The following XXYLT1 variants were observed in gnomAD, a reference collection of about 807,000 sequenced individuals.
XXYLT1 encodes xyloside xylosyltransferase 1.
A neutral mutation model predicts 28.9 loss-of-function variants in XXYLT1; 20 were observed. The ratio of observed to expected loss-of-function variants is 0.69; its 90% confidence interval spans 0.49 to 1.00. The LOEUF (loss-of-function observed/expected upper bound fraction) is 1.00. Ranked by LOEUF, XXYLT1 falls within the 50% of genes least tolerant of loss-of-function variation. XXYLT1 has a pLI of 0.00. For missense variants in XXYLT1, 542 were observed against 560.1 expected, an observed-to-expected ratio of 0.97 and a Z score of 0.33; for synonymous variants, 257 against 253.8, an observed-to-expected ratio of 1.01 and a Z score of -0.12.
In XXYLT1 at chr3:195,263,634, A is replaced by G. The variant is rs60627308; in HGVS notation, c.504+6921T>C. 2.9e-3 allele frequency among the ~76,000 whole-genome samples: 440 copies of G among 152,278 alleles called. 2 individuals carry two copies. Among genetic ancestry groups the G allele is most frequent in the Middle Eastern group, 0.02 (6 of 294 alleles). The stretch of plus-strand genomic sequence containing the variant: ...GCCTCCAAAACCTCAAGCTAAATAA[A>G]TATCTTTCCTTTCTAAATTACCCAG... On this transcript the variant is annotated intron_variant, in intron 1 of 3. Transcript: ENST00000310380.
intron 3 of XXYLT1, among the ~76,000 whole-genome samples, chr3:195,116,026 A>G (rs6767234): frequency 0.16 from 24,072 of 152,150 alleles, 1,908 homozygotes; most frequent in East Asian, 0.26. Context: ...CAGGTTGTTT[A>G]CGTGGACTTG....
Position 195,106,254 on chromosome 3 carries a change from C to CGTTTTTGATGGAGAGATGCTCTTGTTGT in XXYLT1, c.786-36144_786-36143insACAACAAGAGCATCTCTCCATCAAAAAC, listed in dbSNP as rs1560097320. Among the ~76,000 whole-genome samples the CGTTTTTGATGGAGAGATGCTCTTGTTGT allele has an allele frequency of 1.8e-3, 255 of 141,368 alleles. 3 individuals carry two copies. Among genetic ancestry groups the CGTTTTTGATGGAGAGATGCTCTTGTTGT allele is most frequent in the South Asian group, 1.7e-3 (8 of 4,780 alleles). 92.7% of individuals were successfully genotyped at this position (141,368 alleles called of 152,430 possible). A position where few individuals can be genotyped will look rare whatever the true frequency, so the allele number is the denominator to read the frequency against. ...GAGAGGCGCTCTTGCTGTGCTGTGT[C>CGTTTTTGATGGAGAGATGCTCTTGTTGT]GTTTTTGATGGAGAGATGCTCTTGC... On this transcript the variant is annotated intron_variant, in intron 3 of 3. Transcript: ENST00000310380.
At chr3:195,199,983 T>C (rs1722782231) in intron 2 of XXYLT1, among the ~76,000 whole-genome samples, 1 of 152,252 alleles carries the variant, frequency 6.6e-6, no homozygotes, top group African/African-American at 2.4e-5. Flanking sequence ...TAAACAGACT[T>C]CCTAACTGCC....
In XXYLT1 at chr3:195,115,139, G is replaced by A. The variant is rs987447771; in HGVS notation, c.785+41310C>T. On this transcript the variant is annotated intron_variant, in intron 3 of 3. Coordinates refer to ENST00000310380, the MANE Select transcript of XXYLT1 (RefSeq NM_152531.5). The surrounding 1 kb of genome is among the most constrained non-coding windows in gnomAD (Gnocchi z 4.2). ...TGCCCAAACGGCGAGAGCTCGGGAC[G>A]TGAATCAGGTGCTGCGACTCGGGAA... is the stretch of plus-strand genomic sequence containing the variant. Among the ~76,000 whole-genome samples the A allele has an allele frequency of 2.0e-5, 3 of 152,234 alleles. No homozygotes were observed.
At chr3:195,101,716 C>T (rs768286862) in intron 3 of XXYLT1, among the ~76,000 whole-genome samples, 2 of 150,546 alleles carry the variant, frequency 1.3e-5, no homozygotes, top group East Asian at 2.0e-4. Context: ...ATCCTAGCTA[C>T]CTGGGAGGCT....
chr3:195,120,190 A>G (rs1488793138), intron 3 of XXYLT1, among the ~76,000 whole-genome samples: 2 of 152,192 alleles, frequency 1.3e-5, no homozygotes, highest in African/African-American at 4.8e-5. Flanking sequence ...GGCGTCCAGC[A>G]AAGGCCTCAC....
Position 195,209,403 on chromosome 3 carries a change from G to A in XXYLT1, c.652+17306C>T, listed in dbSNP as rs897444990. 3.9e-5 allele frequency: 6 copies of A among 152,458 alleles called. No homozygotes were observed. The highest frequency in any genetic ancestry group is 7.2e-5 in the African/African-American group (3 of 41,576). The allele number at this position is 152,458 out of a possible 1,614,324, so 9.4% of individuals were successfully genotyped here. On this transcript the variant is annotated intron_variant, in intron 2 of 3. Transcript: ENST00000310380. This position sits in a 1 kb window ranked among gnomAD's most constrained non-coding sequence, Gnocchi z 5.0. ...GGGTGGGAATCCTCCTCACCCCCTC[G>A]GCCCCATCAAGGGCTTTCAGATTTT...
chr3:195,234,000 T>C (rs1422681752), intron 1 of XXYLT1, among the ~76,000 whole-genome samples: 1 of 151,998 alleles, frequency 6.6e-6, no homozygotes, highest in Non-Finnish European at 1.5e-5. Flanking sequence ...CACTGCAAGC[T>C]CCGCCTCCCA....
chr3:195,145,545 C>T (rs1719797694), intron 3 of XXYLT1, among the ~76,000 whole-genome samples: 1 of 142,018 alleles, frequency 7.0e-6, no homozygotes, highest in Non-Finnish European at 1.5e-5. Flanking sequence ...TGTGAAGCCA[C>T]ATGAACGGGC....
At chr3:195,258,054 T>G (rs1351922330) in intron 1 of XXYLT1, among the ~76,000 whole-genome samples, 7 of 152,020 alleles carry the variant, frequency 4.6e-5, no homozygotes, top group Admixed American at 2.6e-4. Context: ...GACTGACAAA[T>G]CCACCTGCTG....
intron 2 of XXYLT1, among the ~76,000 whole-genome samples, chr3:195,189,603 A>G (rs539897232): frequency 1.3e-5 from 2 of 152,336 alleles, no homozygotes; most frequent in South Asian, 4.1e-4. Context: ...TGGAAGATTC[A>G]AGATGGCAAA....
At chr3:195,197,886 G>C (rs1273627103) in intron 2 of XXYLT1, among the ~76,000 whole-genome samples, 1 of 152,204 alleles carries the variant, frequency 6.6e-6, no homozygotes, top group East Asian at 1.9e-4. Flanking sequence ...AAGCGAACCA[G>C]AGGCTTCCTT....
At chr3:195,223,123 C>G (rs1577165841) in intron 2 of XXYLT1, among the ~76,000 whole-genome samples, 3 of 151,680 alleles carry the variant, frequency 2.0e-5, no homozygotes, top group Middle Eastern at 3.4e-3. Flanking sequence ...ATCTCATCTA[C>G]TTGGGAGGCT....
intron 2 of XXYLT1, among the ~76,000 whole-genome samples, chr3:195,164,674 C>A (rs1721027866): frequency 6.6e-6 from 1 of 152,220 alleles, no homozygotes; most frequent in South Asian, 2.1e-4. Flanking sequence ...GGATGCCTCA[C>A]CTTGGGGTAC....
intron 3 of XXYLT1, among the ~76,000 whole-genome samples, chr3:195,118,931 A>G (rs1473245280): frequency 6.6e-6 from 1 of 152,194 alleles, no homozygotes; most frequent in East Asian, 1.9e-4. Context: ...CATTAGCTGT[A>G]CATCAGCAGG....
At chr3:195,112,878 TG>T (rs1717852739) in intron 3 of XXYLT1, among the ~76,000 whole-genome samples, 1 of 43,158 alleles carries the variant, frequency 2.3e-5, no homozygotes, top group Admixed American at 3.0e-4. Context: ...CATGCACACA[TG>T]TGCGCACATA....
intron 3 of XXYLT1, among the ~76,000 whole-genome samples, chr3:195,104,617 C>T (rs543910722): frequency 6.6e-6 from 1 of 152,202 alleles, no homozygotes; most frequent in Admixed American, 6.5e-5. Context: ...CAGCGTGGCA[C>T]GACCACCTGA....
At chr3:195,096,158 T>C (rs1716430858) in intron 3 of XXYLT1, 1 of 152,222 alleles carries the variant, frequency 6.6e-6, no homozygotes, top group African/African-American at 2.4e-5. Flanking sequence ...GCAAAGCCCT[T>C]TGACCTTAAG....
intron 3 of XXYLT1, among the ~76,000 whole-genome samples, chr3:195,148,989 T>C (rs143891858): frequency 1.6e-3 from 250 of 152,352 alleles, no homozygotes; most frequent in Admixed American, 4.8e-3. Context: ...CTGATAGTTA[T>C]TGAGGCTGCA....
Sources: allele counts gnomAD v4.1 joint callset (sites outside exome capture counted in the v4.1 genomes callset), GRCh38; gene constraint gnomAD v4.1.1; non-coding constraint Gnocchi (gnomAD v3.1); transcripts MANE v1.5; gene names NCBI Gene and HGNC (gene_info 2026-07-23, HGNC 2026-07-21).